MEI4: variants seen among roughly 807,000 people sequenced by gnomAD.
MEI4 encodes the protein meiosis-specific protein MEI4.
MEI4 carries 27 observed loss-of-function variants against 31.4 expected under a neutral mutation model. That is an observed-to-expected ratio of 0.86 (90% CI 0.63 to 1.19). The LOEUF (loss-of-function observed/expected upper bound fraction) is 1.19. Among genes scored for constraint, MEI4 ranks in the 50% most tolerant of loss-of-function variants. MEI4 has a pLI of 0.00. For missense variants in MEI4, 329 were observed against 398.9 expected, an observed-to-expected ratio of 0.82 and a Z score of 1.49; for synonymous variants, 122 against 145.4, an observed-to-expected ratio of 0.84 and a Z score of 1.16.
intron 4 of MEI4, among the ~76,000 whole-genome samples, chr6:77,892,298 GT>G (rs1765980148): frequency 6.6e-6 from 1 of 152,186 alleles, no homozygotes; most frequent in Non-Finnish European, 1.5e-5. Flanking sequence ...GCTGCCAGTG[GT>G]GGTAAGGTCA....
At chr6:77,731,728 C>G (rs1435691598) in intron 2 of MEI4, among the ~76,000 whole-genome samples, 1 of 151,268 alleles carries the variant, frequency 6.6e-6, no homozygotes, top group Admixed American at 6.6e-5. Flanking sequence ...AATAGTAATG[C>G]TTAGGTTTTC....
intron 2 of MEI4, among the ~76,000 whole-genome samples, chr6:77,748,933 G>A (rs577349043): frequency 6.6e-6 from 1 of 152,232 alleles, no homozygotes; most frequent in East Asian, 1.9e-4. Flanking sequence ...GGAACAGGCA[G>A]CAATCTTTGC....
rs2127744760 is a variant in MEI4 at position 77,925,243 on chromosome 6, G to GAAAT, written c.*1899_*1902dup. ...CTTCAAGGTCTGAAAATTAGCCTAG[G>GAAAT]AAATATATTTATTATAAAAGAAGAT... is the stretch of plus-strand genomic sequence containing the variant. On this transcript the variant is annotated 3_prime_UTR_variant, in exon 5 of 5. Coordinates refer to ENST00000684080, the MANE Select transcript of MEI4 (RefSeq NM_001322247.2). 6.6e-6 allele frequency: 1 copy of GAAAT among 151,854 alleles called. No individual in the cohort carries two copies. The highest frequency in any genetic ancestry group is 1.9e-4 in the East Asian group (1 of 5,130). The allele number at this position is 151,854 out of a possible 1,614,324, so 9.4% of individuals were successfully genotyped here.
At chr6:77,784,164 A>G (rs1413803567) in intron 3 of MEI4, among the ~76,000 whole-genome samples, 1 of 152,144 alleles carries the variant, frequency 6.6e-6, no homozygotes, top group Non-Finnish European at 1.5e-5. Flanking sequence ...AGGCAATTCT[A>G]ATGCTTATTG....
intron 3 of MEI4, among the ~76,000 whole-genome samples, chr6:77,766,947 T>C (rs568162664): frequency 6.6e-6 from 1 of 152,318 alleles, no homozygotes; most frequent in South Asian, 2.1e-4. Context: ...CCAACAACCT[T>C]ATCCTCTGTG....
intron 4 of MEI4, among the ~76,000 whole-genome samples, chr6:77,913,966 G>A (rs1377181474): frequency 6.6e-6 from 1 of 150,702 alleles, no homozygotes; most frequent in Non-Finnish European, 1.5e-5. Flanking sequence ...TCCAGGAGGT[G>A]GAGCTTGCAG....
chr6:77,886,451 G>C (rs1302190434), intron 4 of MEI4, among the ~76,000 whole-genome samples: 1 of 144,676 alleles, frequency 6.9e-6, no homozygotes, highest in Non-Finnish European at 1.5e-5. Flanking sequence ...TTTTTTATGA[G>C]ATGGAGTCTC....
chr6:77,859,879 G>C (rs1055451511), intron 4 of MEI4, among the ~76,000 whole-genome samples: 2 of 152,144 alleles, frequency 1.3e-5, no homozygotes, highest in Non-Finnish European at 2.9e-5. Flanking sequence ...CTGATCCACA[G>C]TGATCATTAC....
chr6:77,806,953 C>T (rs946020987), intron 3 of MEI4, among the ~76,000 whole-genome samples: 29 of 152,054 alleles, frequency 1.9e-4, no homozygotes, highest in Admixed American at 1.9e-3. Flanking sequence ...GTCTGCAAAG[C>T]CTAATATATT....
intron 2 of MEI4, among the ~76,000 whole-genome samples, chr6:77,715,909 G>A (rs1262218143): frequency 6.6e-6 from 1 of 151,604 alleles, no homozygotes; most frequent in African/African-American, 2.4e-5. Context: ...TCTATTTCTC[G>A]GTTGTCTGGT....
chr6:77,664,198 T>C (rs1768575144), intron 1 of MEI4, among the ~76,000 whole-genome samples: 1 of 152,068 alleles, frequency 6.6e-6, no homozygotes, highest in Non-Finnish European at 1.5e-5. Flanking sequence ...TGTTGTGGGG[T>C]TTGAGGGCCG....
Position 77,691,831 on chromosome 6 carries a change from G to T in MEI4, c.232+928G>T, listed in dbSNP as rs112798671. Among the ~76,000 whole-genome samples the T allele has an allele frequency of 5.2e-3, 784 of 151,806 alleles. 7 individuals carry two copies. The highest frequency in any genetic ancestry group is 0.018 in the African/African-American group (766 of 41,408). On this transcript the variant is annotated intron_variant, in intron 2 of 4. Transcript: ENST00000684080. Reference sequence around the variant, plus strand: ...TTACTTGAGCAAACTAGAACGTGTGGTTACCCTATTAATCAGGAGCCACTG... The same window carrying T: ...TTACTTGAGCAAACTAGAACGTGTGTTTACCCTATTAATCAGGAGCCACTG...
At position 77,856,836 on chromosome 6, in the gene MEI4, A is replaced by G. The variant is rs79888206; in HGVS notation, c.900+27774A>G. ...ACTCTCATCTTATCCACCTACCTAT[A>G]CACTGAGCAAGGCACACCTCTTTAC... On this transcript the variant is annotated intron_variant, in intron 4 of 4. Transcript: ENST00000684080. Among the ~76,000 whole-genome samples, 912 of 152,140 alleles carry G rather than the reference A, an allele frequency of 6.0e-3. 6 individuals are homozygous for G. Among genetic ancestry groups the G allele is most frequent in the Middle Eastern group, 0.014 (4 of 294 alleles).
chr6:77,854,082 T>C (rs1400264763), intron 4 of MEI4, among the ~76,000 whole-genome samples: 1 of 152,156 alleles, frequency 6.6e-6, no homozygotes, highest in Non-Finnish European at 1.5e-5. Context: ...AGCCATATGG[T>C]TTTTGAATTA....
chr6:77,919,757 C>T (rs1346208993), intron 4 of MEI4, among the ~76,000 whole-genome samples: 1 of 148,530 alleles, frequency 6.7e-6, no homozygotes, highest in Non-Finnish European at 1.5e-5. Flanking sequence ...TCTAGCAAGA[C>T]TAATAAAGAA....
chr6:77,788,286 A>G (rs1768805711), intron 3 of MEI4, among the ~76,000 whole-genome samples: 1 of 152,234 alleles, frequency 6.6e-6, no homozygotes, highest in African/African-American at 2.4e-5. Flanking sequence ...AGAAGCCCAC[A>G]GCCAATATCA....
intron 3 of MEI4, among the ~76,000 whole-genome samples, chr6:77,818,081 T>G (rs1769729202): frequency 6.6e-6 from 1 of 152,188 alleles, no homozygotes; most frequent in Admixed American, 6.6e-5. Flanking sequence ...AAATTAGAGC[T>G]AGTTTTGTGT....
chr6:77,694,424 C>A (rs1367590423), intron 2 of MEI4, among the ~76,000 whole-genome samples: 1 of 151,086 alleles, frequency 6.6e-6, no homozygotes, highest in African/African-American at 2.4e-5. Context: ...CCCCCCACCC[C>A]ACAACAGACC....
At chr6:77,860,107 A>T (rs914042061) in intron 4 of MEI4, among the ~76,000 whole-genome samples, 2 of 152,212 alleles carry the variant, frequency 1.3e-5, no homozygotes, top group Non-Finnish European at 2.9e-5. Context: ...CTGCAAAATC[A>T]TGATGGGCAT....
Sources: gnomAD v4.1 joint callset for allele counts (sites outside exome capture counted in the v4.1 genomes callset) on GRCh38, gnomAD v4.1.1 for gene constraint, MANE v1.5 for transcripts, NCBI Gene and HGNC (gene_info 2026-07-23, HGNC 2026-07-21) for gene names.